Variants in MAF observed in about 807,000 individuals in gnomAD.
MAF encodes the protein MAF bZIP transcription factor, also known as transcription factor Maf.
Under a neutral mutation model 22.0 loss-of-function variants are expected in MAF, and 10 were observed. The observed-to-expected ratio is 0.45, with a 90% CI of 0.28 to 0.77. The LOEUF (loss-of-function observed/expected upper bound fraction) is 0.77. Ranked by LOEUF, MAF falls within the 30% of genes least tolerant of loss-of-function variation. The pLI is 0.12. For synonymous variants in MAF, 337 were observed against 255.8 expected (o/e 1.32, Z -3.03); for missense variants, 544 against 548.4 (o/e 0.99, Z 0.08).
At chr16:79,353,608 G>A in the MAF span, among the ~76,000 whole-genome samples, 75 of 152,164 alleles carry the variant, frequency 4.9e-4, no homozygotes, top group African/African-American at 1.7e-3. Context: ...TGTCCTGCTA[G>A]GATCCTGGTG....
the MAF span, among the ~76,000 whole-genome samples, chr16:79,527,193 G>A: frequency 1.2e-4 from 19 of 152,160 alleles, no homozygotes; most frequent in East Asian, 5.8e-4. Flanking sequence ...ATTGGTCTTC[G>A]TCCCCTAAAG....
chr16:79,435,182 A>T, the MAF span, among the ~76,000 whole-genome samples: 1 of 152,270 alleles, frequency 6.6e-6, no homozygotes, highest in African/African-American at 2.4e-5. Context: ...ACACACGTCC[A>T]TATATACACA....
At chr16:79,593,621 AATG>A (rs1246738074), downstream of MAF, among the ~76,000 whole-genome samples, 3 of 152,248 alleles carry the variant, frequency 2.0e-5, no homozygotes, top group African/African-American at 7.2e-5. Flanking sequence ...ACAGTGAGGA[AATG>A]ATGTCTCCGT....
chr16:79,455,505 T>C, the MAF span, among the ~76,000 whole-genome samples: 1 of 152,174 alleles, frequency 6.6e-6, no homozygotes, highest in South Asian at 2.1e-4. Context: ...ATGGCAAGGA[T>C]GAGACACCTT....
At chr16:79,543,129 C>T in the MAF span, among the ~76,000 whole-genome samples, 1 of 152,178 alleles carries the variant, frequency 6.6e-6, no homozygotes. Flanking sequence ...TGGGAACATT[C>T]GTGGTAACAT....
chr16:79,504,564 T>TGGAGGGATGGAC, the MAF span, among the ~76,000 whole-genome samples: 4 of 152,158 alleles, frequency 2.6e-5, no homozygotes, highest in Non-Finnish European at 4.4e-5. Context: ...CTTACTTGAA[T>TGGAGGGATGGAC]GGATGGATGG....
At chr16:79,294,194 T>A in the MAF span, among the ~76,000 whole-genome samples, 2 of 152,218 alleles carry the variant, frequency 1.3e-5, no homozygotes, top group African/African-American at 4.8e-5. Context: ...ATTCTTTGAA[T>A]ATCAAGAGCT....
chr16:79,523,216 A>C, the MAF span, among the ~76,000 whole-genome samples: 3 of 152,224 alleles, frequency 2.0e-5, no homozygotes, highest in Non-Finnish European at 4.4e-5. Context: ...TGTTTGACTC[A>C]TCTTCTAGCC....
the MAF span, among the ~76,000 whole-genome samples, chr16:79,323,552 G>C: frequency 6.6e-6 from 1 of 152,162 alleles, no homozygotes; most frequent in African/African-American, 2.4e-5. Flanking sequence ...AAAGGAGAGA[G>C]ACAAAGAAGT....
Position 79,599,954 on chromosome 16 carries a change from G to A in MAF, c.-52C>T, listed in dbSNP as rs745608324. On this transcript the variant is annotated 5_prime_UTR_variant, in exon 1 of 2. Transcript: ENST00000326043. ...CGCCGCTCCGCCAGATGGGCTGCAG[G>A]AGAGGGGCCAGCGGGCTGTGCTGGG... 2 of 1,597,002 alleles carry A rather than the reference G, an allele frequency of 1.3e-6. No homozygotes were observed. The highest frequency in any genetic ancestry group is 1.7e-6 in the Non-Finnish European group (2 of 1,178,970).
At chr16:79,453,256 C>T in the MAF span, among the ~76,000 whole-genome samples, 1 of 152,172 alleles carries the variant, frequency 6.6e-6, no homozygotes, top group African/African-American at 2.4e-5. Context: ...AGGGACCAAT[C>T]CCATCTCTCC....
At chr16:79,529,707 T>C in the MAF span, among the ~76,000 whole-genome samples, 1 of 152,214 alleles carries the variant, frequency 6.6e-6, no homozygotes, top group Non-Finnish European at 1.5e-5. Context: ...ACGCCTGTAA[T>C]CCCAGTACTT....
the MAF span, among the ~76,000 whole-genome samples, chr16:79,304,959 C>T: frequency 6.6e-6 from 1 of 151,910 alleles, no homozygotes; most frequent in East Asian, 1.9e-4. Flanking sequence ...ACCACCAGCT[C>T]ATTAATGAGC....
chr16:79,252,323 C>T, the MAF span, among the ~76,000 whole-genome samples: 1 of 137,024 alleles, frequency 7.3e-6, no homozygotes, highest in Admixed American at 7.2e-5. Flanking sequence ...TATTTATAGA[C>T]ACAAATTGGA....
the MAF span, among the ~76,000 whole-genome samples, chr16:79,220,811 T>C: frequency 6.6e-6 from 1 of 152,234 alleles, no homozygotes; most frequent in Non-Finnish European, 1.5e-5. Flanking sequence ...GCTGGTTTTC[T>C]TTGAGAAGAG....
At chr16:79,377,029 G>C in the MAF span, among the ~76,000 whole-genome samples, 2 of 152,126 alleles carry the variant, frequency 1.3e-5, no homozygotes, top group Non-Finnish European at 2.9e-5. Flanking sequence ...AATCCTTTGG[G>C]TATATACCCA....
the MAF span, among the ~76,000 whole-genome samples, chr16:79,293,792 CT>C: frequency 6.6e-6 from 1 of 151,758 alleles, no homozygotes; most frequent in Admixed American, 6.6e-5. Flanking sequence ...CAAGAACCAC[CT>C]TTTCTTGTGC....
chr16:79,451,301 C>T, the MAF span, among the ~76,000 whole-genome samples: 15 of 152,172 alleles, frequency 9.9e-5, no homozygotes, highest in Admixed American at 3.9e-4. Flanking sequence ...CCAGCAGATG[C>T]GCCCTGCCTG....
chr16:79,596,039 T>C (rs1394702574), intron 1 of MAF: 1 of 1,061,466 alleles, frequency 9.4e-7, no homozygotes, highest in African/African-American at 1.6e-5. Flanking sequence ...ATAGTCAACT[T>C]TAGTGAAAAG....
Sources: gnomAD v4.1 joint callset for allele counts (sites outside exome capture counted in the v4.1 genomes callset) on GRCh38, gnomAD v4.1.1 for gene constraint, MANE v1.5 for transcripts, NCBI Gene and HGNC (gene_info 2026-07-23, HGNC 2026-07-21) for gene names.